Variants in LPXN observed in about 807,000 individuals in gnomAD.
LPXN encodes the protein leupaxin.
LPXN carries 28 observed loss-of-function variants against 45.6 expected under a neutral mutation model. The ratio of observed to expected loss-of-function variants is 0.61; its 90% CI spans 0.45 to 0.84. The LOEUF (loss-of-function observed/expected upper bound fraction) is 0.84. Among genes scored for constraint, LPXN ranks in the 40% least tolerant of loss-of-function variants. The pLI, the probability that LPXN is intolerant of heterozygous loss-of-function variation, is 0.00. For synonymous variants in LPXN, 166 were observed against 169.9 expected (o/e 0.98, Z 0.18); for missense variants, 459 against 475.0 (o/e 0.97, Z 0.31).
intron 3 of LPXN, among the ~76,000 whole-genome samples, chr11:58,557,871 A>G (rs1361662435): frequency 2.6e-5 from 4 of 152,216 alleles, no homozygotes; most frequent in Non-Finnish European, 5.9e-5. Flanking sequence ...GAAAGCCTAT[A>G]TAAATGAAGA....
chr11:58,530,572 C>A (rs1300822943), intron 7 of LPXN, among the ~76,000 whole-genome samples: 2 of 152,178 alleles, frequency 1.3e-5, no homozygotes, highest in Non-Finnish European at 1.5e-5. Context: ...ATAGATAAAA[C>A]CCCCATCTCC....
chr11:58,558,210 T>A (rs1345708459), intron 3 of LPXN, among the ~76,000 whole-genome samples: 4 of 150,078 alleles, frequency 2.7e-5, no homozygotes, highest in Admixed American at 6.6e-5. Flanking sequence ...AGATGTGGTG[T>A]CTTATAGAGT....
At chr11:58,532,270 C>T (rs1853413060) in intron 7 of LPXN, among the ~76,000 whole-genome samples, 1 of 152,236 alleles carries the variant, frequency 6.6e-6, no homozygotes. Context: ...CCGACAGGTG[C>T]TGCCCCCTGC....
chr11:58,576,047 T>C (rs1854880424), upstream of LPXN: 3 of 725,252 alleles, frequency 4.1e-6, no homozygotes, highest in Admixed American at 6.3e-5. Context: ...GTGATAAAGA[T>C]TCAAAATTAA....
chr11:58,577,990 A>G (rs1440939034), upstream of LPXN: 1 of 1,550,146 alleles, frequency 6.5e-7, no homozygotes, highest in African/African-American at 1.4e-5. Context: ...GCTGACCTCT[A>G]GGAGCTCACA....
At chr11:58,576,025 GCATTGGCCA>G, upstream of LPXN, 1 of 1,163,898 alleles carries the variant, frequency 8.6e-7, no homozygotes, top group Non-Finnish European at 1.1e-6. Context: ...TTATGGCAGT[GCATTGGCCA>G]GGGTGATAAA....
intron 4 of LPXN, among the ~76,000 whole-genome samples, chr11:58,553,210 C>T (rs935354401): frequency 1.3e-5 from 2 of 151,826 alleles, no homozygotes; most frequent in Non-Finnish European, 2.9e-5. Flanking sequence ...GTGGCACACG[C>T]CTGTAATCAC....
At chr11:58,541,656 G>T (rs1306878484) in intron 7 of LPXN, among the ~76,000 whole-genome samples, 1 of 150,292 alleles carries the variant, frequency 6.7e-6, no homozygotes, top group African/African-American at 2.5e-5. Context: ...TCTAGAACTA[G>T]AAATACCATT....
At chr11:58,567,715 T>C (rs1854566198) in intron 2 of LPXN, among the ~76,000 whole-genome samples, 1 of 152,238 alleles carries the variant, frequency 6.6e-6, no homozygotes, top group African/African-American at 2.4e-5. Context: ...GGGATAGTGA[T>C]CTTTCTACTT....
intron 1 of LPXN, among the ~76,000 whole-genome samples, chr11:58,574,033 CATTTCTCTGCCAGCAGGA>C (rs113918503): frequency 0.2 from 30,274 of 151,568 alleles, 3,135 homozygotes; most frequent in African/African-American, 0.25. Flanking sequence ...TCCTCGATGC[CATTTCTCTGCCAGCAGGA>C]AGAAAGATCC....
At chr11:58,572,732 T>C (rs1854746834) in intron 1 of LPXN, among the ~76,000 whole-genome samples, 1 of 152,124 alleles carries the variant, frequency 6.6e-6, no homozygotes, top group Non-Finnish European at 1.5e-5. Context: ...AATATATATT[T>C]ATTTTAGAGG....
upstream of LPXN, among the ~76,000 whole-genome samples, chr11:58,577,078 T>A (rs1436282826): frequency 6.6e-6 from 1 of 151,968 alleles, no homozygotes; most frequent in Non-Finnish European, 1.5e-5. Flanking sequence ...GGGGGTGAGC[T>A]ACCACATCCA....
intron 7 of LPXN, among the ~76,000 whole-genome samples, chr11:58,532,472 C>T (rs781466485): frequency 1.1e-4 from 17 of 152,246 alleles, no homozygotes; most frequent in Admixed American, 5.9e-4. Flanking sequence ...CCAATCAGCA[C>T]TCTGTGTCTG....
rs140764119 is a variant in LPXN at position 58,549,981 on chromosome 11, T to C, written c.652A>G (p.Ile218Val). 1,311 of 1,614,076 alleles carry C rather than the reference T, an allele frequency of 8.1e-4. 2 individuals carry two copies. Among genetic ancestry groups the C allele is most frequent in the Non-Finnish European group, 1.0e-3 (1,205 of 1,179,962 alleles). Residue 218 changes from isoleucine (I) to valine (V), a missense_variant, in exon 6 of 9, where the codon ATC (isoleucine) becomes GTC (valine). Ile to Val is a conservative substitution (Grantham distance 29, BLOSUM62 3). Transcript: ENST00000395074. ...SPRCAYCAAPILDKVLTAMNQ... is the reference protein window; with the variant it reads ...SPRCAYCAAPVLDKVLTAMNQ... ...AGCGGGGATTTACTTACATCCAGGATGGGAGCAGCGCAGTAAGCACAGCGT... is the reference window on the plus strand; with the variant it reads ...AGCGGGGATTTACTTACATCCAGGACGGGAGCAGCGCAGTAAGCACAGCGT...
chr11:58,549,835 G>A lies in LPXN; in HGVS notation c.693C>T (p.His231=). Residue 231 remains histidine, a synonymous_variant, in exon 7 of 9, where the codon CAC becomes CAT. Transcript: ENST00000395074. ...AGTGAGAGCAGAAGAAGTGCTCTGG[G>A]TGCCAGGTCTGGTTCATTGCTGTCA... ...KVLTAMNQTW[H]PEHFFCSHCG... is the part of the protein sequence containing the mutation. 1 of 1,614,172 alleles carries A rather than the reference G, an allele frequency of 6.2e-7. No individual in the cohort carries two copies. Among genetic ancestry groups the A allele is most frequent in the South Asian group, 1.1e-5 (1 of 91,080 alleles).
chr11:58,550,388 T>C (rs1159070801), intron 5 of LPXN, among the ~76,000 whole-genome samples: 8 of 152,206 alleles, frequency 5.3e-5, no homozygotes. Context: ...AGCCTGTAAA[T>C]GTTCACAACC....
At chr11:58,578,165 G>A (rs908290374), upstream of LPXN, 13 of 1,372,416 alleles carry the variant, frequency 9.5e-6, no homozygotes, top group African/African-American at 1.5e-4. Context: ...GTAAGAAAAA[G>A]TAGGAAAAAC....
At chr11:58,529,166 T>C (rs1231623619) in intron 7 of LPXN, among the ~76,000 whole-genome samples, 1 of 152,176 alleles carries the variant, frequency 6.6e-6, no homozygotes, top group Non-Finnish European at 1.5e-5. Context: ...TATTAATAAA[T>C]TTAGCTACAT....
At chr11:58,549,726 T>C (rs1436170560) in intron 7 of LPXN, 60 bp downstream of exon 7, 20 of 1,452,436 alleles carry the variant, frequency 1.4e-5, no homozygotes, top group Non-Finnish European at 1.8e-5. Context: ...AGGAAAGGTG[T>C]TGCTGGTCTT....
Sources: gnomAD v4.1 joint callset for allele counts (sites outside exome capture counted in the v4.1 genomes callset) on GRCh38, gnomAD v4.1.1 for gene constraint, MANE v1.5 for transcripts, NCBI Gene and HGNC (gene_info 2026-07-23, HGNC 2026-07-21) for gene names.